SPATS2L: variants seen among roughly 807,000 people sequenced by gnomAD.
SPATS2L encodes SPATS2-like protein.
Under a neutral mutation model 59.6 loss-of-function variants are expected in SPATS2L, and 30 were observed. The observed-to-expected ratio is 0.50, with a 90% CI of 0.38 to 0.68. The LOEUF (loss-of-function observed/expected upper bound fraction) is 0.68, where lower values mean the gene tolerates loss of function less well. Among genes scored for constraint, SPATS2L ranks in the 30% least tolerant of loss-of-function variants. SPATS2L has a pLI of 0.00. For synonymous variants in SPATS2L, 252 were observed against 263.5 expected, an observed-to-expected ratio of 0.96 and a Z score of 0.42; for missense variants, 615 against 700.0, an observed-to-expected ratio of 0.88 and a Z score of 1.37.
intron 3 of SPATS2L, among the ~76,000 whole-genome samples, chr2:200,398,324 A>G (rs1219368603): frequency 2.0e-5 from 3 of 152,382 alleles, no homozygotes; most frequent in Non-Finnish European, 4.4e-5. Flanking sequence ...TTGGAATTCA[A>G]CTATATGAGA....
intron 2 of SPATS2L, among the ~76,000 whole-genome samples, chr2:200,341,294 A>G (rs2080316952): frequency 1.3e-5 from 2 of 152,188 alleles, no homozygotes; most frequent in African/African-American, 4.8e-5. Flanking sequence ...TTCAGCACCT[A>G]TGTTCTTAAC....
intron 2 of SPATS2L, among the ~76,000 whole-genome samples, chr2:200,360,648 G>C (rs1051112505): frequency 2.0e-5 from 3 of 152,182 alleles, no homozygotes; most frequent in Non-Finnish European, 4.4e-5. Context: ...GGAAGCAGGT[G>C]GCAGGTGGTC....
upstream of SPATS2L, chr2:200,306,063 G>C (rs761252271): frequency 5.9e-5 from 58 of 985,314 alleles, no homozygotes; most frequent in Non-Finnish European, 6.7e-5. Context: ...CCAGTGTGCA[G>C]ACCCGCAGCG....
At chr2:200,446,136 C>T (rs975233387) in intron 8 of SPATS2L, among the ~76,000 whole-genome samples, 7 of 152,162 alleles carry the variant, frequency 4.6e-5, no homozygotes, top group African/African-American at 1.2e-4. Context: ...CCCAGGAGTT[C>T]GAGACCAGCC....
chr2:200,388,402 T>C (rs1209427323), intron 2 of SPATS2L, among the ~76,000 whole-genome samples: 1 of 151,980 alleles, frequency 6.6e-6, no homozygotes, highest in Non-Finnish European at 1.5e-5. Context: ...GAGACCCTTG[T>C]CTCTACAAAA....
chr2:200,317,819 T>C (rs1246397603), intron 1 of SPATS2L, among the ~76,000 whole-genome samples: 1 of 152,206 alleles, frequency 6.6e-6, no homozygotes, highest in Non-Finnish European at 1.5e-5. Flanking sequence ...TGCTGATAGA[T>C]TACAAATAAA....
intron 2 of SPATS2L, among the ~76,000 whole-genome samples, chr2:200,330,379 CTT>C (rs983673562): frequency 6.6e-6 from 1 of 152,068 alleles, no homozygotes; most frequent in Non-Finnish European, 1.5e-5. Flanking sequence ...ATGATTGTAA[CTT>C]TTTGAAAAGA....
chr2:200,432,709 A>G (rs2084014497), intron 6 of SPATS2L, among the ~76,000 whole-genome samples: 1 of 152,238 alleles, frequency 6.6e-6, no homozygotes, highest in Admixed American at 6.5e-5. Flanking sequence ...GAATTAGCAG[A>G]CAAGGATTGC....
chr2:200,336,785 G>A (rs2080157561), intron 2 of SPATS2L, among the ~76,000 whole-genome samples: 1 of 152,188 alleles, frequency 6.6e-6, no homozygotes, highest in Non-Finnish European at 1.5e-5. Context: ...GATTCTTTCA[G>A]TATTGCCCCT....
In SPATS2L at chr2:200,416,371, TTATC is replaced by T. The variant is rs745526974; in HGVS notation, c.149-5_149-2del. The T allele has an allele frequency of 9.1e-6, 13 of 1,436,306 alleles. No individual in the cohort carries two copies. The highest frequency in any genetic ancestry group is 1.2e-5 in the Non-Finnish European group (13 of 1,071,360). The allele number at this position is 1,436,306 out of a possible 1,614,324, so 89.0% of individuals were successfully genotyped here. A position where few individuals can be genotyped will look rare whatever the true frequency, so the allele number is the denominator to read the frequency against. On this transcript the variant is annotated splice_region_variant and splice_polypyrimidine_tract_variant and intron_variant, in intron 4 of 12. Coordinates refer to ENST00000409140, the MANE Select transcript of SPATS2L (RefSeq NM_001100423.2). ...AATATTTGTTGAAGATTCTTTGTCT[TTATC>T]TAGGCAGTGCAATTCAAGTTCTAAA...
intron 5 of SPATS2L, 61 bp downstream of exon 5, chr2:200,416,489 T>A: frequency 9.9e-7 from 1 of 1,013,226 alleles, no homozygotes; most frequent in Non-Finnish European, 1.4e-6. Flanking sequence ...ATGGTTGTTA[T>A]CATTTTAACA....
At chr2:200,445,221 G>T (rs905334017) in intron 8 of SPATS2L, among the ~76,000 whole-genome samples, 1 of 152,190 alleles carries the variant, frequency 6.6e-6, no homozygotes, top group African/African-American at 2.4e-5. Context: ...TGAGAGTGGG[G>T]AGGATCACTG....
At chr2:200,420,292 A>G (rs1454491080) in intron 6 of SPATS2L, among the ~76,000 whole-genome samples, 1 of 152,204 alleles carries the variant, frequency 6.6e-6, no homozygotes, top group Non-Finnish European at 1.5e-5. Flanking sequence ...ACAAATGTTA[A>G]AATAAATCTC....
intron 6 of SPATS2L, among the ~76,000 whole-genome samples, chr2:200,425,615 T>A (rs2083523530): frequency 6.6e-6 from 1 of 152,190 alleles, no homozygotes; most frequent in African/African-American, 2.4e-5. Flanking sequence ...ATATATAAAG[T>A]GATTAGCTCA....
intron 3 of SPATS2L, chr2:200,389,608 G>A (rs2105927115): frequency 4.0e-6 from 1 of 250,292 alleles, no homozygotes; most frequent in Non-Finnish European, 7.8e-6. Context: ...AAACAGCAGA[G>A]CTGGGATTTG....
intron 2 of SPATS2L, among the ~76,000 whole-genome samples, chr2:200,383,463 TTAGAC>T (rs1274386491): frequency 6.6e-6 from 1 of 152,210 alleles, no homozygotes; most frequent in Non-Finnish European, 1.5e-5. Flanking sequence ...ACATTTCACT[TTAGAC>T]TAGCCACATT....
intron 7 of SPATS2L, 119 bp downstream of exon 7, chr2:200,439,447 AT>A (rs1033552882): frequency 8.5e-5 from 68 of 798,870 alleles, no homozygotes; most frequent in Admixed American, 2.0e-4. Context: ...ATGAAATTGC[AT>A]TTTTTTTTCT....
At chr2:200,332,178 G>C (rs1456630554) in intron 2 of SPATS2L, among the ~76,000 whole-genome samples, 1 of 151,564 alleles carries the variant, frequency 6.6e-6, no homozygotes, top group Non-Finnish European at 1.5e-5. Context: ...GAGAGGGAGA[G>C]GGAGAGACAG....
Position 200,329,448 on chromosome 2 carries a change from G to T in SPATS2L, c.-55G>T. The T allele has an allele frequency of 6.4e-7, 1 of 1,550,482 alleles. No homozygotes were observed. Among genetic ancestry groups the T allele is most frequent in the Non-Finnish European group, 8.7e-7 (1 of 1,146,948 alleles). On this transcript the variant is annotated 5_prime_UTR_variant, in exon 2 of 13. Coordinates refer to ENST00000409140, the MANE Select transcript of SPATS2L (RefSeq NM_001100423.2). ...TTTCCTAGAGCTCTTCAGAAACCAGGCTGCTTTCAGGAACATTGCTGTGGA... is the reference window on the plus strand; with the variant it reads ...TTTCCTAGAGCTCTTCAGAAACCAGTCTGCTTTCAGGAACATTGCTGTGGA...
Sources: gnomAD v4.1 joint callset for allele counts (sites outside exome capture counted in the v4.1 genomes callset) on GRCh38, gnomAD v4.1.1 for gene constraint, MANE v1.5 for transcripts, NCBI Gene and HGNC (gene_info 2026-07-23, HGNC 2026-07-21) for gene names.